The following ZNF804B variants were observed in gnomAD, a reference collection of about 807,000 sequenced individuals.
The protein encoded by ZNF804B is zinc finger 804B.
A neutral mutation model predicts 101.4 loss-of-function variants in ZNF804B; 80 were observed. That is an observed-to-expected ratio of 0.79 (90% CI 0.66 to 0.95). ZNF804B has a LOEUF of 0.95. ZNF804B is among the 40% of genes least tolerant of loss of function. The pLI is 0.00. For missense variants in ZNF804B, 1,673 were observed against 1,561.9 expected (o/e 1.07, Z -1.20); for synonymous variants, 622 against 558.8 (o/e 1.11, Z -1.59).
At chr7:89,235,472 C>T (rs913910242) in intron 2 of ZNF804B, among the ~76,000 whole-genome samples, 3 of 152,164 alleles carry the variant, frequency 2.0e-5, no homozygotes, top group African/African-American at 7.2e-5. Flanking sequence ...AGTTACCCTC[C>T]ACTTAAAATA....
chr7:89,007,570 T>C (rs1271492925), intron 1 of ZNF804B, among the ~76,000 whole-genome samples: 3 of 129,714 alleles, frequency 2.3e-5, no homozygotes, highest in East Asian at 2.1e-4. Context: ...CTATTATAAT[T>C]ATATATAATA....
At chr7:89,186,936 G>A (rs34764799) in intron 1 of ZNF804B, among the ~76,000 whole-genome samples, 26,572 of 151,958 alleles carry the variant, frequency 0.17, 2,423 homozygotes, top group Middle Eastern at 0.29. Context: ...GAAACAACAC[G>A]GGGACCTCCA....
In ZNF804B at chr7:89,335,223, C is replaced by T. The variant is rs1168944713; in HGVS notation, c.2241C>T (p.His747=). The T allele has an allele frequency of 2.5e-6, 4 of 1,613,854 alleles. No homozygotes were observed. Among genetic ancestry groups the T allele is most frequent in the Non-Finnish European group, 3.4e-6 (4 of 1,179,932 alleles). The change falls in exon 4 of 4, where the codon CAC becomes CAT. Residue 747 remains histidine, a synonymous_variant. Coordinates refer to ENST00000333190, the MANE Select transcript of ZNF804B (RefSeq NM_181646.5). ...TGCTCTGCTTCCATAAAAGAGAACA[C>T]CACTCAGTTGAAAGGCACAAACGGA... ...GNLLCFHKRE[H]HSVERHKRKC...
chr7:89,171,285 GCTGCTTCTTCTTCTTCTTCTTCTTCTT>G (rs1791222388), intron 1 of ZNF804B, among the ~76,000 whole-genome samples: 7 of 64,638 alleles, frequency 1.1e-4, no homozygotes, highest in African/African-American at 3.7e-4. Context: ...TAATGCTGCT[GCTGCTTCTTCTTCTTCTTCTTCTTCTT>G]CTTCTTCTTC....
chr7:89,303,438 A>G (rs908669636), intron 2 of ZNF804B, among the ~76,000 whole-genome samples: 5 of 151,928 alleles, frequency 3.3e-5, no homozygotes, highest in African/African-American at 9.7e-5. Flanking sequence ...CAAAAAGTTA[A>G]TCAGAGAAAA....
At chr7:89,279,719 G>T (rs1035073171) in intron 2 of ZNF804B, among the ~76,000 whole-genome samples, 5 of 151,958 alleles carry the variant, frequency 3.3e-5, no homozygotes, top group South Asian at 2.1e-4. Flanking sequence ...ATCATGGTGG[G>T]TAAGCTTTTT....
intron 1 of ZNF804B, among the ~76,000 whole-genome samples, chr7:89,074,374 G>C (rs1184525339): frequency 6.6e-6 from 1 of 152,170 alleles, no homozygotes; most frequent in Non-Finnish European, 1.5e-5. Flanking sequence ...GAGGAACCCA[G>C]TGGGAGGTGA....
chr7:88,835,679 T>C (rs1387375936), intron 1 of ZNF804B, among the ~76,000 whole-genome samples: 1 of 151,906 alleles, frequency 6.6e-6, no homozygotes, highest in East Asian at 1.9e-4. Context: ...CGATAGTAGA[T>C]ATTTGCTTTT....
chr7:88,841,469 T>G (rs753788092), intron 1 of ZNF804B, among the ~76,000 whole-genome samples: 2 of 152,150 alleles, frequency 1.3e-5, no homozygotes, highest in African/African-American at 2.4e-5. Flanking sequence ...GTGCATATTG[T>G]TACTCATCAA....
intron 1 of ZNF804B, among the ~76,000 whole-genome samples, chr7:89,078,201 T>G (rs1789641076): frequency 6.6e-6 from 1 of 152,118 alleles, no homozygotes; most frequent in Non-Finnish European, 1.5e-5. Context: ...GATGACTAAC[T>G]TTTTCAGACT....
intron 1 of ZNF804B, among the ~76,000 whole-genome samples, chr7:89,100,452 A>G (rs12667028): frequency 0.45 from 68,162 of 151,952 alleles, 16,142 homozygotes; most frequent in Non-Finnish European, 0.53. Context: ...CCAAAGCAAA[A>G]ATGAACAAAT....
At chr7:89,079,621 G>A (rs920683727) in intron 1 of ZNF804B, among the ~76,000 whole-genome samples, 13 of 152,104 alleles carry the variant, frequency 8.5e-5, no homozygotes, top group African/African-American at 3.1e-4. Context: ...ATTAAAAAGG[G>A]TGAAAAATAC....
chr7:89,219,159 A>G (rs1788942859), intron 2 of ZNF804B, among the ~76,000 whole-genome samples: 1 of 152,004 alleles, frequency 6.6e-6, no homozygotes, highest in Admixed American at 6.6e-5. Context: ...GGACCCAGGA[A>G]AAATAATGTC....
chr7:88,978,220 T>G (rs959209722), intron 1 of ZNF804B, among the ~76,000 whole-genome samples: 1 of 151,792 alleles, frequency 6.6e-6, no homozygotes, highest in African/African-American at 2.4e-5. Context: ...TTGAGTTAAG[T>G]GTTCTGTAAA....
intron 1 of ZNF804B, among the ~76,000 whole-genome samples, chr7:89,041,615 C>A (rs546170439): frequency 1.3e-5 from 2 of 152,176 alleles, no homozygotes; most frequent in African/African-American, 4.8e-5. Flanking sequence ...TTGCCTAACA[C>A]TGGGACACTG....
At position 88,856,337 on chromosome 7, in the gene ZNF804B, T is replaced by G. The variant is rs868783751; in HGVS notation, c.108+96253T>G. Among the ~76,000 whole-genome samples the G allele has an allele frequency of 7.5e-3, 1,133 of 151,916 alleles. 11 individuals are homozygous for G. Among genetic ancestry groups the G allele is most frequent in the Middle Eastern group, 0.024 (7 of 294 alleles). On this transcript the variant is annotated intron_variant, in intron 1 of 3. Transcript: ENST00000333190. ...GGTCCTTCACATCCCTTGTAAGTTGTATTCATAGGTATTTTATTCTCTTTG... is the reference window on the plus strand; with the variant it reads ...GGTCCTTCACATCCCTTGTAAGTTGGATTCATAGGTATTTTATTCTCTTTG...
intron 1 of ZNF804B, among the ~76,000 whole-genome samples, chr7:89,046,016 A>G (rs113964142): frequency 6.6e-6 from 1 of 152,072 alleles, no homozygotes; most frequent in Non-Finnish European, 1.5e-5. Context: ...GTTTCATGGG[A>G]TGGACCCCAT....
intron 1 of ZNF804B, among the ~76,000 whole-genome samples, chr7:88,826,352 A>G (rs1791050257): frequency 1.3e-5 from 2 of 152,136 alleles, no homozygotes; most frequent in Non-Finnish European, 2.9e-5. Context: ...ACCTCCCTGC[A>G]ACTACTTTTC....
intron 2 of ZNF804B, among the ~76,000 whole-genome samples, chr7:89,262,644 A>G (rs1789728189): frequency 1.3e-5 from 2 of 152,030 alleles, no homozygotes; most frequent in South Asian, 4.1e-4. Context: ...AACATTTGGA[A>G]TTGCATTATG....
Sources: gnomAD v4.1 joint callset for allele counts (sites outside exome capture counted in the v4.1 genomes callset) on GRCh38, gnomAD v4.1.1 for gene constraint, MANE v1.5 for transcripts, NCBI Gene and HGNC (gene_info 2026-07-23, HGNC 2026-07-21) for gene names.